Variants in SORCS2 observed in about 807,000 individuals in gnomAD.
The protein encoded by SORCS2 is VPS10 domain-containing receptor SorCS2.
SORCS2 carries 100 observed loss-of-function variants against 141.6 expected under a neutral mutation model. The ratio of observed to expected loss-of-function variants is 0.71; its 90% CI spans 0.60 to 0.83. The LOEUF (loss-of-function observed/expected upper bound fraction) is 0.83, where lower values mean the gene tolerates loss of function less well. Among genes scored for constraint, SORCS2 ranks in the 40% least tolerant of loss-of-function variants. The pLI is 0.00. For missense variants in SORCS2, 1,646 were observed against 1,560.2 expected (o/e 1.05, Z -0.93); for synonymous variants, 789 against 676.9 (o/e 1.17, Z -2.57).
At chr4:7,431,456 G>A (rs10030127) in intron 2 of SORCS2, 146,110 of 152,322 alleles carry the variant, frequency 0.96, 70,240 homozygotes, top group South Asian at 0.99. Context: ...CCGACTCACA[G>A]CCAAGCCAGA....
chr4:7,613,594 C>T (rs1341545886), intron 3 of SORCS2, among the ~76,000 whole-genome samples: 1 of 152,178 alleles, frequency 6.6e-6, no homozygotes, highest in Admixed American at 6.5e-5. Context: ...GCACATGCAC[C>T]TCACATGGCT....
At chr4:7,498,216 C>T (rs1338315572) in intron 2 of SORCS2, among the ~76,000 whole-genome samples, 1 of 152,160 alleles carries the variant, frequency 6.6e-6, no homozygotes, top group Non-Finnish European at 1.5e-5. Context: ...GATGTGGACC[C>T]CTGATGGCTG....
intron 3 of SORCS2, among the ~76,000 whole-genome samples, chr4:7,584,407 A>C (rs1284583354): frequency 6.6e-6 from 1 of 152,186 alleles, no homozygotes; most frequent in Non-Finnish European, 1.5e-5. Context: ...AGTTGCTTCC[A>C]TGATGGGCTG....
rs1337946084 is a variant in SORCS2 at position 7,368,437 on chromosome 4, CCTG to C, written c.481-27846_481-27844del. 2.6e-5 allele frequency among the ~76,000 whole-genome samples: 4 copies of C among 152,348 alleles called. No homozygotes were observed. The East Asian group carries it at 5.8e-4, about 22-fold the overall frequency. The stretch of plus-strand genomic sequence containing the variant: ...ACATCTTCCACCTTGACTGCCCGGA[CCTG>C]CTGCCTGCCGGGAGTCCTGGCCTTC... On this transcript the variant is annotated intron_variant, in intron 1 of 26. Coordinates refer to ENST00000507866, the MANE Select transcript of SORCS2 (RefSeq NM_020777.3).
intron 9 of SORCS2, among the ~76,000 whole-genome samples, chr4:7,682,311 G>A (rs1039109277): frequency 9.2e-5 from 14 of 152,112 alleles, no homozygotes; most frequent in African/African-American, 3.4e-4. Context: ...AAGCCCAGAG[G>A]CAATTCTATT....
At chr4:7,706,147 A>ATG (rs1437413544) in intron 14 of SORCS2, among the ~76,000 whole-genome samples, 4 of 125,818 alleles carry the variant, frequency 3.2e-5, no homozygotes, top group African/African-American at 3.0e-5. Context: ...CTGGACAGAG[A>ATG]AGAGGCTGGG....
chr4:7,360,571 C>CTTTATTT (rs1721520914), intron 1 of SORCS2, among the ~76,000 whole-genome samples: 1 of 49,272 alleles, frequency 2.0e-5, no homozygotes, highest in Non-Finnish European at 3.2e-5. Context: ...CCAGTCCCTT[C>CTTTATTT]TTTTTTTTTT....
At chr4:7,702,252 A>G (rs536268718) in intron 12 of SORCS2, among the ~76,000 whole-genome samples, 1 of 152,212 alleles carries the variant, frequency 6.6e-6, no homozygotes, top group Admixed American at 6.5e-5. Flanking sequence ...GTGGGAGGGC[A>G]AAGGGGGCCA....
At chr4:7,601,362 G>T (rs1455339767) in intron 3 of SORCS2, among the ~76,000 whole-genome samples, 4 of 151,218 alleles carry the variant, frequency 2.6e-5, no homozygotes, top group Admixed American at 2.6e-4. Flanking sequence ...CAGTAGTAGT[G>T]CAACTTAAAC....
At chr4:7,481,189 A>T (rs549693469) in intron 2 of SORCS2, among the ~76,000 whole-genome samples, 2 of 152,340 alleles carry the variant, frequency 1.3e-5, no homozygotes, top group Admixed American at 1.3e-4. Flanking sequence ...GACTTTCCTG[A>T]GTGGCAGGTG....
intron 1 of SORCS2, among the ~76,000 whole-genome samples, chr4:7,215,026 C>A (rs1355797668): frequency 2.0e-5 from 3 of 152,088 alleles, no homozygotes; most frequent in African/African-American, 7.2e-5. Flanking sequence ...CCCACTTTGG[C>A]GGCACTTGAG....
chr4:7,364,820 C>G (rs1189899418), intron 1 of SORCS2, among the ~76,000 whole-genome samples: 9 of 152,188 alleles, frequency 5.9e-5, no homozygotes, highest in African/African-American at 1.9e-4. Flanking sequence ...CCTGACATCA[C>G]AGAGTGCACG....
chr4:7,646,757 G>A (rs1721107487), intron 4 of SORCS2, among the ~76,000 whole-genome samples: 1 of 152,234 alleles, frequency 6.6e-6, no homozygotes, highest in African/African-American at 2.4e-5. Flanking sequence ...TGGACTTCTG[G>A]CCTCAGAACG....
At chr4:7,230,895 A>G (rs1711824641) in intron 1 of SORCS2, among the ~76,000 whole-genome samples, 1 of 152,176 alleles carries the variant, frequency 6.6e-6, no homozygotes, top group Admixed American at 6.5e-5. Context: ...GAGCAGTGTC[A>G]TGTGCTCTTG....
chr4:7,645,492 AGT>A (rs1005625615), intron 4 of SORCS2, among the ~76,000 whole-genome samples: 2 of 151,352 alleles, frequency 1.3e-5, no homozygotes, highest in Middle Eastern at 3.2e-3. Context: ...TGTGTGTGTG[AGT>A]GTGTGTGGGT....
rs199881784 is a variant in SORCS2 at position 7,651,155 on chromosome 4, CAG to C, written c.814-2976_814-2975del. Among the ~76,000 whole-genome samples the C allele has an allele frequency of 5.9e-3, 891 of 152,280 alleles. 6 individuals are homozygous for C. Among genetic ancestry groups the C allele is most frequent in the African/African-American group, 0.019 (809 of 41,532 alleles). On this transcript the variant is annotated intron_variant, in intron 4 of 26. Transcript: ENST00000507866. The stretch of plus-strand genomic sequence containing the variant: ...ATGCAAATGAACACCGAGCCAGAGT[CAG>C]AGGAGAGGCAAGGGAAAAGGGACAG...
At chr4:7,516,284 C>G (rs957789698) in intron 2 of SORCS2, among the ~76,000 whole-genome samples, 1 of 152,136 alleles carries the variant, frequency 6.6e-6, no homozygotes, top group Admixed American at 6.5e-5. Context: ...GAAGGCCCAG[C>G]TGGGCGTGGG....
intron 2 of SORCS2, among the ~76,000 whole-genome samples, chr4:7,440,907 G>A (rs192844223): frequency 2.8e-4 from 42 of 152,352 alleles, no homozygotes; most frequent in African/African-American, 8.7e-4. Context: ...GGATGAAGAC[G>A]GATGAGGAGT....
intron 9 of SORCS2, among the ~76,000 whole-genome samples, chr4:7,680,540 T>C (rs974150003): frequency 6.6e-6 from 1 of 152,268 alleles, no homozygotes; most frequent in African/African-American, 2.4e-5. Context: ...TCCCGGCCCC[T>C]GGGACTGTCT....
Sources: allele counts gnomAD v4.1 joint callset (sites outside exome capture counted in the v4.1 genomes callset), GRCh38; gene constraint gnomAD v4.1.1; transcripts MANE v1.5; gene names NCBI Gene and HGNC (gene_info 2026-07-23, HGNC 2026-07-21).